PHF8: variants seen among roughly 807,000 people sequenced by gnomAD.
PHF8 encodes the protein PHD finger protein 8.
In PHF8, 9 loss-of-function variants were observed where a neutral mutation model predicts 74.4. That is an observed-to-expected ratio of 0.12 (90% CI 0.07 to 0.21). The LOEUF (loss-of-function observed/expected upper bound fraction) is 0.21. Among genes scored for constraint, PHF8 ranks in the 10% least tolerant of loss-of-function variants. The pLI is 1.00. For synonymous variants in PHF8, 311 were observed against 316.6 expected (o/e 0.98, Z 0.19); for missense variants, 478 against 816.6 (o/e 0.59, Z 5.05).
chrX:53,976,262 G>A (rs1348210860), intron 18 of PHF8, among the ~76,000 whole-genome samples: 1 of 109,161 alleles, frequency 9.2e-6, no homozygotes, highest in Non-Finnish European at 1.9e-5. Context: ...CGGAGACTGC[G>A]CCACAGCACT....
At chrX:54,032,495 TACC>T (rs1557112838) in intron 2 of PHF8, among the ~76,000 whole-genome samples, 1 of 110,641 alleles carries the variant, frequency 9.0e-6, no homozygotes, top group African/African-American at 3.3e-5. Context: ...TTCCCCTACT[TACC>T]AGCATGGTTC....
chrX:53,963,236 T>G lies in PHF8; in HGVS notation c.2444-297A>C, dbSNP rs142059524. ...CACCCTTCAAAATTCAGCTTTAGATTTACTTTCCACAAGAACTCTTCCCTC... is the reference window on the plus strand; with the variant it reads ...CACCCTTCAAAATTCAGCTTTAGATGTACTTTCCACAAGAACTCTTCCCTC... On this transcript the variant is annotated intron_variant, in intron 18 of 21. Coordinates refer to ENST00000338154, the MANE Select transcript of PHF8 (RefSeq NM_015107.3). Among the ~76,000 whole-genome samples, 168 of 111,708 alleles carry G rather than the reference T, an allele frequency of 1.5e-3. 2 individuals carry two copies. The highest frequency in any genetic ancestry group is 2.5e-3 in the Non-Finnish European group (131 of 53,182).
intron 14 of PHF8, among the ~76,000 whole-genome samples, chrX:53,990,951 A>G (rs2065649939): frequency 8.9e-6 from 1 of 112,064 alleles, no homozygotes; most frequent in African/African-American, 3.2e-5. Flanking sequence ...CATATTTATA[A>G]GAACTACCAT....
chrX:53,961,392 A>G (rs2065103122), intron 19 of PHF8, among the ~76,000 whole-genome samples: 1 of 108,726 alleles, frequency 9.2e-6, no homozygotes, highest in Non-Finnish European at 1.9e-5. Context: ...CAATGGTGCA[A>G]TCTCAGCTCA....
chrX:54,012,817 G>GT (rs1269007260), intron 7 of PHF8, among the ~76,000 whole-genome samples: 1 of 109,273 alleles, frequency 9.2e-6, no homozygotes, highest in Non-Finnish European at 1.9e-5. Flanking sequence ...GTGCACACCT[G>GT]TAGTCCCAGC....
upstream of PHF8, among the ~76,000 whole-genome samples, chrX:54,047,397 T>TAACA (rs1402990226): frequency 1.8e-5 from 2 of 111,375 alleles, no homozygotes; most frequent in Non-Finnish European, 3.8e-5. Flanking sequence ...TGGACTATGT[T>TAACA]GAGTTCAGGT....
At chrX:53,979,183 C>A (rs1340503518) in intron 18 of PHF8, among the ~76,000 whole-genome samples, 1 of 111,624 alleles carries the variant, frequency 9.0e-6, no homozygotes, top group Non-Finnish European at 1.9e-5. Flanking sequence ...GAGTTTGAGA[C>A]CAGCCTGGCC....
chrX:54,015,358 C>T (rs1258923612), intron 6 of PHF8, among the ~76,000 whole-genome samples: 2 of 110,309 alleles, frequency 1.8e-5, no homozygotes, highest in Admixed American at 9.8e-5. Flanking sequence ...GGGTGGATCA[C>T]GAGGTCAGGA....
intron 18 of PHF8, among the ~76,000 whole-genome samples, chrX:53,979,616 C>T (rs2065447549): frequency 9.0e-6 from 1 of 111,411 alleles, no homozygotes; most frequent in Admixed American, 9.5e-5. Context: ...AGTACAAGTA[C>T]AGCTAATCTC....
At chrX:53,949,565 C>A (rs1279561866) in intron 19 of PHF8, among the ~76,000 whole-genome samples, 2 of 110,062 alleles carry the variant, frequency 1.8e-5, no homozygotes, top group Admixed American at 9.8e-5. Flanking sequence ...GTAATCCCAG[C>A]ACTTTGGGAG....
At chrX:54,011,871 A>G (rs1283526058) in intron 7 of PHF8, among the ~76,000 whole-genome samples, 1 of 109,888 alleles carries the variant, frequency 9.1e-6, no homozygotes, top group Non-Finnish European at 1.9e-5. Flanking sequence ...GCAAAAAAAA[A>G]AAAAAAAAAA....
intron 2 of PHF8, chrX:54,039,544 C>T (rs999513630): frequency 8.9e-6 from 1 of 112,306 alleles, no homozygotes; most frequent in African/African-American, 3.2e-5. Flanking sequence ...GCCCATAAGC[C>T]CATTTCTGTA....
chrX:54,038,226 T>C (rs140403836), intron 2 of PHF8, among the ~76,000 whole-genome samples: 2,333 of 112,361 alleles, frequency 0.021, 27 homozygotes, highest in Non-Finnish European at 0.031. Flanking sequence ...AAATTCCCAG[T>C]TGATGAACTG....
intron 10 of PHF8, among the ~76,000 whole-genome samples, chrX:54,000,168 T>A (rs1312942544): frequency 2.7e-5 from 3 of 112,144 alleles, no homozygotes; most frequent in Non-Finnish European, 5.6e-5. Flanking sequence ...CTTATACCTA[T>A]CCTGTAAGCA....
intron 19 of PHF8, among the ~76,000 whole-genome samples, chrX:53,956,239 G>C (rs181649968): frequency 9.0e-6 from 1 of 111,594 alleles, no homozygotes; most frequent in East Asian, 2.8e-4. Context: ...AACAGAGTGA[G>C]ACTCTGCCTC....
chrX:53,969,421 C>G (rs1382364159), intron 18 of PHF8, among the ~76,000 whole-genome samples: 5 of 109,736 alleles, frequency 4.6e-5, no homozygotes, highest in African/African-American at 1.7e-4. Context: ...CAAATAATTG[C>G]AAGATCTCTA....
At chrX:54,035,430 T>TGACA (rs1557113797) in intron 2 of PHF8, among the ~76,000 whole-genome samples, 1 of 110,314 alleles carries the variant, frequency 9.1e-6, no homozygotes, top group Non-Finnish European at 1.9e-5. Flanking sequence ...GAGCAGTTGC[T>TGACA]TATGGTAAGT....
At chrX:53,966,395 C>T (rs1429207437) in intron 18 of PHF8, among the ~76,000 whole-genome samples, 2 of 112,672 alleles carry the variant, frequency 1.8e-5, no homozygotes, top group African/African-American at 6.4e-5. Context: ...CCACGCCTGA[C>T]TGGTTTTCGT....
In PHF8 at chrX:54,022,822, C is replaced by A; in HGVS notation, c.120G>T (p.Glu40Asp). 2 of 1,199,051 alleles carry A rather than the reference C, an allele frequency of 1.7e-6. No individual in the cohort carries two copies. Among genetic ancestry groups the A allele is most frequent in the Non-Finnish European group, 2.3e-6 (2 of 884,130 alleles). ...GGTAGAGGTCAATGTCAGCAGCCTT[C>A]TCCTCTTCAACACCAACACAACTGA... ...FHGSCVGVEE[E>D]KAADIDLYHC... The change falls in exon 3 of 22, where the codon GAG (glutamate) becomes GAT (aspartate). Residue 40 changes from glutamate (E) to aspartate (D), a missense_variant. By Grantham distance (45) the Glu-to-Asp change is conservative. Transcript: ENST00000338154.
Sources: gnomAD v4.1 joint callset for allele counts (sites outside exome capture counted in the v4.1 genomes callset) on GRCh38, gnomAD v4.1.1 for gene constraint, MANE v1.5 for transcripts, NCBI Gene and HGNC (gene_info 2026-07-23, HGNC 2026-07-21) for gene names.